Variants in AFDN observed in about 807,000 individuals in gnomAD.
AFDN encodes afadin, adherens junction formation factor, also known as afadin.
Under a neutral mutation model 216.6 loss-of-function variants are expected in AFDN, and 68 were observed. The ratio of observed to expected loss-of-function variants is 0.31; its 90% CI spans 0.26 to 0.38. AFDN has a LOEUF of 0.38. Among genes scored for constraint, AFDN ranks in the 10% least tolerant of loss-of-function variants. The pLI, the probability that AFDN is intolerant of heterozygous loss-of-function variation, is 1.00. For missense variants in AFDN, 2,136 were observed against 2,342.0 expected (o/e 0.91, Z 1.82); for synonymous variants, 868 against 853.7 (o/e 1.02, Z -0.29).
At chr6:167,959,472 A>G (rs1459848904) in intron 30 of AFDN, among the ~76,000 whole-genome samples, 1 of 152,218 alleles carries the variant, frequency 6.6e-6, no homozygotes, top group Non-Finnish European at 1.5e-5. Flanking sequence ...ATAAATGATC[A>G]GGTGTTTTCT....
chr6:167,944,664 C>T (rs1795064311), intron 26 of AFDN, among the ~76,000 whole-genome samples: 1 of 152,098 alleles, frequency 6.6e-6, no homozygotes, highest in Non-Finnish European at 1.5e-5. Flanking sequence ...CTACACAAAC[C>T]TAGATGGTGT....
chr6:167,839,845 G>A (rs777258964), intron 1 of AFDN, among the ~76,000 whole-genome samples: 1 of 152,180 alleles, frequency 6.6e-6, no homozygotes, highest in East Asian at 1.9e-4. Context: ...TGGGAATCAG[G>A]CACATGGTTA....
At chr6:167,900,773 C>G (rs1347924907) in intron 11 of AFDN, among the ~76,000 whole-genome samples, 2 of 152,178 alleles carry the variant, frequency 1.3e-5, no homozygotes, top group Non-Finnish European at 2.9e-5. Context: ...GGCCTGCTGT[C>G]ATTGTTACTC....
chr6:167,892,252 C>T (rs375726236), intron 8 of AFDN, among the ~76,000 whole-genome samples: 1 of 152,140 alleles, frequency 6.6e-6, no homozygotes, highest in Non-Finnish European at 1.5e-5. Context: ...CCTCAGTTCT[C>T]TGGGTGGAAA....
intron 3 of AFDN, among the ~76,000 whole-genome samples, chr6:167,871,528 A>G (rs1784796288): frequency 6.6e-6 from 1 of 152,200 alleles, no homozygotes; most frequent in Admixed American, 6.5e-5. Flanking sequence ...CTTTCCCATC[A>G]CAATAGCCAT....
intron 32 of AFDN, among the ~76,000 whole-genome samples, chr6:167,968,243 G>A (rs73036681): frequency 0.042 from 6,332 of 152,216 alleles, 194 homozygotes; most frequent in African/African-American, 0.081. Flanking sequence ...ATAAATTGTC[G>A]TAAGGTGGAG....
At chr6:167,912,747 T>C (rs2128461157) in intron 15 of AFDN, among the ~76,000 whole-genome samples, 1 of 152,326 alleles carries the variant, frequency 6.6e-6, no homozygotes, top group Middle Eastern at 3.4e-3. Flanking sequence ...TGTGAACTAG[T>C]CAGTGAAATC....
chr6:167,923,110 T>G (rs997027679), intron 22 of AFDN, 151 bp downstream of exon 22: 8 of 569,368 alleles, frequency 1.4e-5, no homozygotes, highest in Non-Finnish European at 2.5e-5. Context: ...TTTCAAGCCA[T>G]AATTCATATA....
At chr6:167,925,906 T>C (rs1254998040) in intron 23 of AFDN, among the ~76,000 whole-genome samples, 1 of 152,228 alleles carries the variant, frequency 6.6e-6, no homozygotes, top group African/African-American at 2.4e-5. Context: ...TCAACTTTGC[T>C]GATATTTTGC....
In AFDN at chr6:167,929,027, C is replaced by T. The variant is rs148413035; in HGVS notation, c.3099+3936C>T. ...TCAGTGTAGTACAATTACTGGCTTC[C>T]GTGAGTCTAATGTGATTTAGGAGTC... On this transcript the variant is annotated intron_variant, in intron 23 of 33. Transcript: ENST00000683244. 1.4e-3 allele frequency among the ~76,000 whole-genome samples: 209 copies of T among 152,182 alleles called. 1 individual carries two copies. The highest frequency in any genetic ancestry group is 4.6e-3 in the African/African-American group (193 of 41,514).
intron 15 of AFDN, among the ~76,000 whole-genome samples, chr6:167,912,739 T>G (rs1372625599): frequency 6.6e-6 from 1 of 152,212 alleles, no homozygotes; most frequent in East Asian, 1.9e-4. Flanking sequence ...CTTATTGATG[T>G]GAACTAGTCA....
chr6:167,882,101 G>A (rs1009485375), intron 6 of AFDN, among the ~76,000 whole-genome samples: 1 of 152,160 alleles, frequency 6.6e-6, no homozygotes. Context: ...GGAGAGAACA[G>A]ATGGAAGTTT....
chr6:167,919,254 A>G (rs1436630270), intron 21 of AFDN, among the ~76,000 whole-genome samples: 1 of 152,252 alleles, frequency 6.6e-6, no homozygotes, highest in Non-Finnish European at 1.5e-5. Flanking sequence ...TTATGAGCGT[A>G]GTAGGTTGAT....
intron 1 of AFDN, among the ~76,000 whole-genome samples, chr6:167,838,352 C>G (rs1329366622): frequency 6.6e-6 from 1 of 151,840 alleles, no homozygotes; most frequent in Non-Finnish European, 1.5e-5. Context: ...TGTCCTCTTA[C>G]TGGGCTTCCT....
At chr6:167,846,802 G>A (rs1193475187) in intron 1 of AFDN, among the ~76,000 whole-genome samples, 1 of 150,454 alleles carries the variant, frequency 6.6e-6, no homozygotes, top group African/African-American at 2.4e-5. Flanking sequence ...GCATTTTCAG[G>A]GGAGTTAATC....
At chr6:167,875,559 C>G (rs567300327) in intron 5 of AFDN, 64 bp downstream of exon 5, 451 of 1,524,978 alleles carry the variant, frequency 3.0e-4, no homozygotes, top group Non-Finnish European at 3.8e-4. Context: ...TTACACTGTA[C>G]GTGCGTGAGA....
At chr6:167,842,755 A>G (rs910982197) in intron 1 of AFDN, among the ~76,000 whole-genome samples, 9 of 152,190 alleles carry the variant, frequency 5.9e-5, no homozygotes, top group African/African-American at 1.9e-4. Context: ...TGATTTACCT[A>G]TACTAAAATC....
At position 167,891,402 on chromosome 6, in the gene AFDN, GGGGTGGGT is replaced by G. The variant is rs202168067; in HGVS notation, c.1177+375_1177+382del. 4.4e-3 allele frequency among the ~76,000 whole-genome samples: 449 copies of G among 101,466 alleles called. 1 individual carries two copies. The highest frequency in any genetic ancestry group is 0.015 in the African/African-American group (421 of 27,926). 66.6% of individuals were successfully genotyped at this position (101,466 alleles called of 152,430 possible). ...ATTTACCTAGGGCAGATTTCATAAA[GGGGTGGGT>G]GTGTGTGTGTGTGTGTGTGTGTGTG... On this transcript the variant is annotated intron_variant, in intron 8 of 33. Transcript: ENST00000683244.
intron 20 of AFDN, 93 bp from the exon 21 acceptor site, chr6:167,918,642 G>C: frequency 9.2e-7 from 1 of 1,083,106 alleles, no homozygotes; most frequent in South Asian, 1.3e-5. Context: ...GATAAGCTGT[G>C]CTGCAGTGAG....
Sources: allele counts gnomAD v4.1 joint callset (sites outside exome capture counted in the v4.1 genomes callset), GRCh38; gene constraint gnomAD v4.1.1; transcripts MANE v1.5; gene names NCBI Gene and HGNC (gene_info 2026-07-23, HGNC 2026-07-21).